Variants in SOX13 observed in about 807,000 individuals in gnomAD.
SOX13 encodes transcription factor SOX-13.
SOX13 carries 28 observed loss-of-function variants against 71.8 expected under a neutral mutation model. That is an observed-to-expected ratio of 0.39 (90% CI 0.29 to 0.53). The LOEUF is 0.53. Ranked by LOEUF, SOX13 falls within the 20% of genes least tolerant of loss-of-function variation. The probability of loss-of-function intolerance (pLI) is 0.70; values close to 1 mark genes in which losing one functional copy is unlikely to be tolerated. For synonymous variants in SOX13, 309 were observed against 317.8 expected (o/e 0.97, Z 0.29); for missense variants, 627 against 810.3 (o/e 0.77, Z 2.75).
At chr1:204,088,127 A>T (rs1424200454) in intron 1 of SOX13, among the ~76,000 whole-genome samples, 1 of 152,134 alleles carries the variant, frequency 6.6e-6, no homozygotes, top group South Asian at 2.1e-4. Context: ...CCATCCTGAG[A>T]CTGGATCTGG....
At chr1:204,079,343 AT>A (rs746260553) in intron 1 of SOX13, among the ~76,000 whole-genome samples, 17,275 of 110,582 alleles carry the variant, frequency 0.16, 901 homozygotes, top group Non-Finnish European at 0.17. Flanking sequence ...AGCATAGAAC[AT>A]TTTTTTTTTT....
intron 1 of SOX13, among the ~76,000 whole-genome samples, chr1:204,096,239 G>GTTTTTTTTTTTTTTT (rs59094119): frequency 7.0e-5 from 6 of 85,356 alleles, no homozygotes; most frequent in Admixed American, 1.8e-4. Context: ...TCTTTCTTTC[G>GTTTTTTTTTTTTTTT]TTTTTTTTTT....
In SOX13 at chr1:204,073,920, GGTCCTT is replaced by G. The variant is rs1381534937; in HGVS notation, c.-2+212_-2+217del. 6.5e-6 allele frequency: 1 copy of G among 152,744 alleles called. No homozygotes were observed. Among genetic ancestry groups the G allele is most frequent in the African/African-American group, 2.4e-5 (1 of 41,438 alleles). The allele number at this position is 152,744 out of a possible 1,614,324, so 9.5% of individuals were successfully genotyped here. On this transcript the variant is annotated intron_variant, in intron 1 of 13. Coordinates refer to ENST00000367204, the MANE Select transcript of SOX13 (RefSeq NM_005686.3). The surrounding 1 kb of genome is among the most constrained non-coding windows in gnomAD (Gnocchi z 6.8). ...TGGCGGCTCCTCCCTGGCCGACTTG[GGTCCTT>G]GTGGAGAGGGATGGCAGCCTCTAAG...
intron 1 of SOX13, among the ~76,000 whole-genome samples, chr1:204,100,811 C>T (rs1656346847): frequency 6.6e-6 from 1 of 152,210 alleles, no homozygotes; most frequent in South Asian, 2.1e-4. Flanking sequence ...ATTAGGCTTA[C>T]ATGAGGCATG....
chr1:204,113,116 G>T lies in SOX13; in HGVS notation c.201G>T (p.Gly67=). ...DSADPQAPAQ[G]NFRGSWDCSS... ...CTGACCCCCAAGCTCCAGCCCAGGG[G>T]AATTTCAGGGGCTCCTGGGTCAGTG... The change falls in exon 2 of 14, where the codon GGG becomes GGT. Residue 67 remains glycine (G), a synonymous_variant. Transcript: ENST00000367204. 1 of 1,561,738 alleles carries T rather than the reference G, an allele frequency of 6.4e-7. No individual in the cohort carries two copies. The highest frequency in any genetic ancestry group is 8.7e-7 in the Non-Finnish European group (1 of 1,153,764).
chr1:204,107,360 T>C (rs887035910), intron 1 of SOX13, among the ~76,000 whole-genome samples: 17 of 152,300 alleles, frequency 1.1e-4, no homozygotes, highest in Middle Eastern at 3.4e-3. Context: ...CCTTGTTTTA[T>C]AGACACAGCT....
rs1054443152 is a variant in SOX13 at position 204,126,391 on chromosome 1, A to T, written c.*257A>T. ...CTGAGCACCTCAGCCTTTAGGGCTT[A>T]TGGCCAGGGGACACTGTATGACTCT... On this transcript the variant is annotated 3_prime_UTR_variant, in exon 14 of 14. Coordinates refer to ENST00000367204, the MANE Select transcript of SOX13 (RefSeq NM_005686.3). The T allele has an allele frequency of 7.4e-6, 4 of 541,908 alleles. No individual in the cohort carries two copies. In the African/African-American group the frequency reaches 7.6e-5, roughly 10 times the overall value. 33.6% of individuals were successfully genotyped at this position (541,908 alleles called of 1,614,324 possible).
intron 1 of SOX13, among the ~76,000 whole-genome samples, chr1:204,085,145 A>G (rs1655989854): frequency 1.3e-5 from 2 of 152,148 alleles, no homozygotes; most frequent in Non-Finnish European, 2.9e-5. Flanking sequence ...ACCTTTACAG[A>G]GCACCTACTG....
chr1:204,091,894 T>G (rs1244786224), intron 1 of SOX13, among the ~76,000 whole-genome samples: 1 of 152,200 alleles, frequency 6.6e-6, no homozygotes. Flanking sequence ...TTTCTTAGCT[T>G]TGGCTCTTTC....
rs577815454 is a variant in SOX13 at position 204,114,311 on chromosome 1, T to C, written c.220-10T>C. 8 of 1,562,694 alleles carry C rather than the reference T, an allele frequency of 5.1e-6. No individual in the cohort carries two copies. The East Asian group carries it at 1.4e-4, about 27-fold the overall frequency. ...TGGGGGTTATGGTGACAATTCAGTA[T>C]GTCTTGCAGGACTGTAGCTCTCCAG... On this transcript the variant is annotated splice_polypyrimidine_tract_variant and intron_variant, in intron 2 of 13. Transcript: ENST00000367204.
intron 9 of SOX13, 29 bp downstream of exon 9, chr1:204,122,428 C>A: frequency 6.4e-7 from 1 of 1,555,666 alleles, no homozygotes; most frequent in Admixed American, 1.9e-5. Context: ...GCACTTGTCC[C>A]TCAGCCCTCT....
chr1:204,121,269 A>G (rs567901251), intron 7 of SOX13, among the ~76,000 whole-genome samples: 69 of 152,082 alleles, frequency 4.5e-4, no homozygotes, highest in Non-Finnish European at 8.2e-4. Context: ...TTACAGGCGT[A>G]AGCCACCACG....
chr1:204,078,793 G>A (rs1438265153), intron 1 of SOX13, among the ~76,000 whole-genome samples: 1 of 152,228 alleles, frequency 6.6e-6, no homozygotes, highest in African/African-American at 2.4e-5. Flanking sequence ...TAGTTCTTGG[G>A]AAGACTTGAT....
chr1:204,098,134 T>G (rs1254550848), intron 1 of SOX13, among the ~76,000 whole-genome samples: 1 of 152,240 alleles, frequency 6.6e-6, no homozygotes, highest in East Asian at 1.9e-4. Context: ...GTGCTGGGAT[T>G]ACAGATGTGA....
At chr1:204,096,209 TTTTTC>T (rs796977385) in intron 1 of SOX13, among the ~76,000 whole-genome samples, 6 of 151,060 alleles carry the variant, frequency 4.0e-5, no homozygotes, top group South Asian at 2.1e-4. Context: ...CGCCATCATA[TTTTTC>T]TTTTCTTTTC....
At chr1:204,120,627 C>T (rs1417687913) in intron 7 of SOX13, among the ~76,000 whole-genome samples, 1 of 152,244 alleles carries the variant, frequency 6.6e-6, no homozygotes, top group African/African-American at 2.4e-5. Flanking sequence ...CCCCACCACT[C>T]CATCTCTACT....
chr1:204,117,774 G>A (rs1006539357), intron 7 of SOX13, 67 bp downstream of exon 7: 2 of 1,001,296 alleles, frequency 2.0e-6, no homozygotes, highest in African/African-American at 1.6e-5. Context: ...AAGCGCCCTG[G>A]AGCCACTCTC....
At chr1:204,089,299 C>T (rs1054910149) in intron 1 of SOX13, among the ~76,000 whole-genome samples, 10 of 152,100 alleles carry the variant, frequency 6.6e-5, no homozygotes, top group African/African-American at 2.4e-4. Context: ...ATTTTGAGCC[C>T]AGCCCCGTGT....
In SOX13 at chr1:204,081,746, T is replaced by C. The variant is rs1001113516; in HGVS notation, c.-2+8035T>C. Among the ~76,000 whole-genome samples, 2 of 151,200 alleles carry C rather than the reference T, an allele frequency of 1.3e-5. No homozygotes were observed. The highest frequency in any genetic ancestry group is 3.0e-5 in the Non-Finnish European group (2 of 67,756). On this transcript the variant is annotated intron_variant, in intron 1 of 13. Coordinates refer to ENST00000367204, the MANE Select transcript of SOX13 (RefSeq NM_005686.3). The surrounding 1 kb of genome is among the most constrained non-coding windows in gnomAD (Gnocchi z 4.3). ...GTCTTAGCCCTCAGCCTGTGTGGGG[T>C]ATGAGGTCCCCCACCCTCATGCGAA...
Sources: gnomAD v4.1 joint callset for allele counts (sites outside exome capture counted in the v4.1 genomes callset) on GRCh38, gnomAD v4.1.1 for gene constraint, Gnocchi (gnomAD v3.1) non-coding constraint, MANE v1.5 for transcripts, NCBI Gene and HGNC (gene_info 2026-07-23, HGNC 2026-07-21) for gene names.